SDK1: variants seen among roughly 807,000 people sequenced by gnomAD.
SDK1 encodes the protein protein sidekick-1.
Under a neutral mutation model 245.5 loss-of-function variants are expected in SDK1, and 157 were observed. The observed-to-expected ratio is 0.64, with a 90% CI of 0.56 to 0.73. The LOEUF (loss-of-function observed/expected upper bound fraction) is 0.73, where lower values mean the gene tolerates loss of function less well. SDK1 is among the 30% of genes least tolerant of loss of function. The pLI is 0.00. For synonymous variants in SDK1, 1,647 were observed against 1,278.5 expected, an observed-to-expected ratio of 1.29 and a Z score of -6.15; for missense variants, 3,583 against 3,002.3, an observed-to-expected ratio of 1.19 and a Z score of -4.52.
At chr7:4,185,094 C>T (rs188002189) in intron 35 of SDK1, among the ~76,000 whole-genome samples, 1 of 152,302 alleles carries the variant, frequency 6.6e-6, no homozygotes, top group East Asian at 1.9e-4. Flanking sequence ...CTACCTGGAC[C>T]ACCTGGGCCA....
intron 4 of SDK1, among the ~76,000 whole-genome samples, chr7:3,696,936 GGTT>G (rs1200584536): frequency 6.6e-6 from 1 of 151,618 alleles, no homozygotes; most frequent in East Asian, 1.9e-4. Context: ...TAAGTAATAC[GGTT>G]TATGGAAAAA....
At chr7:3,544,869 C>G (rs1487582720) in intron 1 of SDK1, among the ~76,000 whole-genome samples, 1 of 152,194 alleles carries the variant, frequency 6.6e-6, no homozygotes, top group Admixed American at 6.5e-5. Flanking sequence ...GGGACTCAGG[C>G]TGATGGAGCA....
intron 23 of SDK1, among the ~76,000 whole-genome samples, chr7:4,111,031 A>G (rs1488371045): frequency 6.6e-6 from 1 of 152,136 alleles, no homozygotes; most frequent in Non-Finnish European, 1.5e-5. Flanking sequence ...GAAATGGCCC[A>G]CTGTTATTAT....
intron 1 of SDK1, among the ~76,000 whole-genome samples, chr7:3,346,747 ATATG>A (rs1326916484): frequency 1.2e-4 from 15 of 124,910 alleles, no homozygotes; most frequent in South Asian, 2.5e-4. Flanking sequence ...ACACGTATAT[ATATG>A]TGTGTGTGTA....
chr7:3,616,387 C>G (rs1459493291), intron 1 of SDK1, among the ~76,000 whole-genome samples: 2 of 152,216 alleles, frequency 1.3e-5, no homozygotes, highest in Non-Finnish European at 2.9e-5. Context: ...CCTGCACAAC[C>G]TGGCCCTGCT....
chr7:3,561,279 G>A (rs920480426), intron 1 of SDK1, among the ~76,000 whole-genome samples: 1 of 152,280 alleles, frequency 6.6e-6, no homozygotes. Context: ...TCAAAAGACT[G>A]CCTCTTGGCT....
chr7:3,874,187 A>G (rs1004010212), intron 5 of SDK1, among the ~76,000 whole-genome samples: 2 of 152,032 alleles, frequency 1.3e-5, no homozygotes, highest in African/African-American at 4.8e-5. Context: ...TGCCATGGTT[A>G]CCCTCATTCT....
intron 17 of SDK1, among the ~76,000 whole-genome samples, chr7:4,032,336 T>C (rs1276902444): frequency 2.0e-5 from 3 of 152,224 alleles, no homozygotes; most frequent in African/African-American, 7.2e-5. Context: ...TGTATTGACA[T>C]TTATTTGATA....
At chr7:3,606,412 G>T (rs1781427325) in intron 1 of SDK1, among the ~76,000 whole-genome samples, 1 of 152,186 alleles carries the variant, frequency 6.6e-6, no homozygotes, top group Non-Finnish European at 1.5e-5. Context: ...AGGTAGTGAA[G>T]TCAGAACTTA....
intron 2 of SDK1, among the ~76,000 whole-genome samples, chr7:3,630,028 A>G (rs1245961370): frequency 3.3e-5 from 5 of 152,226 alleles, no homozygotes; most frequent in Admixed American, 6.5e-5. Flanking sequence ...AGGAAACTAG[A>G]CATCACAGAA....
In SDK1 at chr7:3,549,896, A is replaced by G. The variant is rs183516752; in HGVS notation, c.299-69184A>G. Among the ~76,000 whole-genome samples, 9 of 152,284 alleles carry G rather than the reference A, an allele frequency of 5.9e-5. No homozygotes were observed. In the East Asian group the frequency reaches 1.7e-3, roughly 29 times the overall value. ...TCCTTGAGCTAAAATTTAGCCAGAAAGGAAAAAAAAACCCATTTTGGTGCA... is the reference window on the plus strand; with the variant it reads ...TCCTTGAGCTAAAATTTAGCCAGAAGGGAAAAAAAAACCCATTTTGGTGCA... On this transcript the variant is annotated intron_variant, in intron 1 of 44. Transcript: ENST00000404826.
At chr7:3,482,931 C>G (rs1450488474) in intron 1 of SDK1, among the ~76,000 whole-genome samples, 2 of 151,576 alleles carry the variant, frequency 1.3e-5, no homozygotes, top group East Asian at 1.9e-4. Context: ...TATGATGATG[C>G]TGGTGACAAC....
At chr7:3,943,685 C>T (rs575871702) in intron 5 of SDK1, among the ~76,000 whole-genome samples, 1 of 152,042 alleles carries the variant, frequency 6.6e-6, no homozygotes, top group Admixed American at 6.5e-5. Context: ...GACTCCACAG[C>T]TTAGCAGTTC....
At chr7:3,808,169 C>T (rs531342688) in intron 4 of SDK1, among the ~76,000 whole-genome samples, 6 of 152,312 alleles carry the variant, frequency 3.9e-5, no homozygotes, top group Admixed American at 3.9e-4. Flanking sequence ...GCATGCAGAG[C>T]ACACAGCAGT....
At chr7:3,511,889 C>T (rs973825902) in intron 1 of SDK1, among the ~76,000 whole-genome samples, 2 of 143,544 alleles carry the variant, frequency 1.4e-5, no homozygotes, top group South Asian at 2.3e-4. Flanking sequence ...TGCCCCTGCA[C>T]GTGCACAGCC....
intron 1 of SDK1, among the ~76,000 whole-genome samples, chr7:3,578,001 CAGTG>C (rs1780349958): frequency 1.3e-5 from 2 of 152,010 alleles, no homozygotes; most frequent in African/African-American, 4.8e-5. Flanking sequence ...ACTCAACTTA[CAGTG>C]AGAGAGGTGG....
chr7:3,845,307 TG>T lies in SDK1; in HGVS notation c.847+23728del, dbSNP rs1413907463. On this transcript the variant is annotated intron_variant, in intron 5 of 44. Coordinates refer to ENST00000404826, the MANE Select transcript of SDK1 (RefSeq NM_152744.4). ...GAGTTCAAGACTAGCCTGACCAGCA[TG>T]GGGAAACCCTGTCTCTACTAAAAAT... Among the ~76,000 whole-genome samples the T allele has an allele frequency of 2.0e-5, 3 of 152,062 alleles. No individual in the cohort carries two copies. In the East Asian group the frequency reaches 5.8e-4, roughly 29 times the overall value.
At position 4,132,325 on chromosome 7, in the gene SDK1, C is replaced by T. The variant is rs1784885569; in HGVS notation, c.4130C>T (p.Ala1377Val). ...GAATCCCTGTGGTTTTTCCCTTCAG[C>T]CCCAGGCCCACCAGTGAGGCTCGTG... Reference protein sequence around the residue: ...PLILERTKDDAPGPPVRLVFP... With the variant: ...PLILERTKDDVPGPPVRLVFP... Residue 1377 changes from alanine to valine, a missense_variant and splice_region_variant, in exon 28 of 45, where the codon GCC becomes GTC. Transcript: ENST00000404826. The T allele has an allele frequency of 2.5e-6, 4 of 1,609,502 alleles. No individual in the cohort carries two copies. In the Admixed American group the frequency reaches 6.7e-5, roughly 27 times the overall value.
intron 1 of SDK1, among the ~76,000 whole-genome samples, chr7:3,492,493 C>A (rs1347877735): frequency 6.6e-6 from 1 of 152,030 alleles, no homozygotes; most frequent in African/African-American, 2.4e-5. Context: ...GACTCCGTCT[C>A]AAAAAAATAC....
Sources: allele counts gnomAD v4.1 joint callset (sites outside exome capture counted in the v4.1 genomes callset), GRCh38; gene constraint gnomAD v4.1.1; transcripts MANE v1.5; gene names NCBI Gene and HGNC (gene_info 2026-07-23, HGNC 2026-07-21).